TMCO6: variants seen among roughly 807,000 people sequenced by gnomAD.
TMCO6 encodes the protein transmembrane and coiled-coil domains 6.
In TMCO6, 47 loss-of-function variants were observed where a neutral mutation model predicts 61.8. That is an observed-to-expected ratio of 0.76 (90% CI 0.60 to 0.97). The LOEUF is 0.97. TMCO6 is among the 50% of genes least tolerant of loss of function. TMCO6 has a pLI of 0.00. For missense variants in TMCO6, 557 were observed against 601.6 expected, an observed-to-expected ratio of 0.93 and a Z score of 0.78; for synonymous variants, 261 against 254.2, an observed-to-expected ratio of 1.03 and a Z score of -0.25.
intron 5 of TMCO6, 35 bp from the exon 6 acceptor site, chr5:140,642,551 G>C (rs752975405): frequency 6.2e-7 from 1 of 1,612,950 alleles, no homozygotes; most frequent in Non-Finnish European, 8.5e-7. Flanking sequence ...TGATGACCCA[G>C]CTTCCAGTCA....
upstream of TMCO6, among the ~76,000 whole-genome samples, chr5:140,635,301 G>A (rs1756743135): frequency 6.6e-6 from 1 of 152,216 alleles, no homozygotes; most frequent in East Asian, 1.9e-4. Flanking sequence ...AGCCAGTCTT[G>A]GAATCCCAGC....
At chr5:140,632,478 T>C in the TMCO6 span, 6 of 1,614,040 alleles carry the variant, frequency 3.7e-6, no homozygotes, top group South Asian at 1.1e-5. The surrounding 1 kb of genome is among the most constrained non-coding windows in gnomAD (Gnocchi z 6.2). Flanking sequence ...GAGGCCTGGC[T>C]TGAGCCACTG....
At chr5:140,632,511 C>T in the TMCO6 span, 2 of 1,614,166 alleles carry the variant, frequency 1.2e-6, no homozygotes. The surrounding 1 kb of genome is among the most constrained non-coding windows in gnomAD (Gnocchi z 6.2). Context: ...GAGCCAAGAA[C>T]GCCCTGTCGC....
chr5:140,636,595 T>C (rs1232922030), upstream of TMCO6, among the ~76,000 whole-genome samples: 1 of 152,054 alleles, frequency 6.6e-6, no homozygotes, highest in Non-Finnish European at 1.5e-5. Flanking sequence ...GGGCTCAAGA[T>C]CCAGGCCCTA....
the TMCO6 span, among the ~76,000 whole-genome samples, chr5:140,622,724 C>CAAAAAA: frequency 9.5e-6 from 1 of 105,814 alleles, no homozygotes; most frequent in Non-Finnish European, 2.1e-5. Flanking sequence ...GCTTTAGCTA[C>CAAAAAA]AAAAAAAAAA....
At chr5:140,611,638 A>G in the TMCO6 span, among the ~76,000 whole-genome samples, 2 of 152,094 alleles carry the variant, frequency 1.3e-5, no homozygotes, top group African/African-American at 4.8e-5. Flanking sequence ...ATAAATCCCA[A>G]TTGGTCATGG....
the TMCO6 span, among the ~76,000 whole-genome samples, chr5:140,601,217 G>A: frequency 1.3e-5 from 2 of 152,130 alleles, no homozygotes; most frequent in African/African-American, 4.8e-5. Flanking sequence ...CTATGTTAAG[G>A]AGTCCTAGAA....
At chr5:140,615,016 C>T in the TMCO6 span, among the ~76,000 whole-genome samples, 1 of 152,178 alleles carries the variant, frequency 6.6e-6, no homozygotes, top group Non-Finnish European at 1.5e-5. Context: ...AAATTAATCT[C>T]CATTCGTAAA....
rs1016547801 is a variant in TMCO6 at position 140,645,267 on chromosome 5, G to C, written c.*169G>C. 2.7e-6 allele frequency: 2 copies of C among 744,206 alleles called. No homozygotes were observed. Among genetic ancestry groups the C allele is most frequent in the African/African-American group, 3.5e-5 (2 of 57,252 alleles). 46.1% of individuals were successfully genotyped at this position (744,206 alleles called of 1,614,324 possible). On this transcript the variant is annotated 3_prime_UTR_variant, in exon 12 of 12. Coordinates refer to ENST00000394671, the MANE Select transcript of TMCO6 (RefSeq NM_018502.5). ...TCCCCTTCCACTCAGCACTATCCAGGCAGGAGGACCAAAAGGGACTCAGTG... is the reference window on the plus strand; with the variant it reads ...TCCCCTTCCACTCAGCACTATCCAGCCAGGAGGACCAAAAGGGACTCAGTG...
chr5:140,597,662 T>G, the TMCO6 span, among the ~76,000 whole-genome samples: 1 of 152,352 alleles, frequency 6.6e-6, no homozygotes. Context: ...GCCACTGTGC[T>G]AGTCCAGATT....
At chr5:140,638,448 A>G (rs1756829872), upstream of TMCO6, among the ~76,000 whole-genome samples, 1 of 152,138 alleles carries the variant, frequency 6.6e-6, no homozygotes, top group African/African-American at 2.4e-5. Flanking sequence ...CAAAAAGGAG[A>G]AAAAGGAAAA....
chr5:140,647,145 G>A, downstream of TMCO6: 1 of 1,179,116 alleles, frequency 8.5e-7, no homozygotes, highest in Non-Finnish European at 1.2e-6. Flanking sequence ...CAAGGCTAAA[G>A]TCCGAGTTCT....
the TMCO6 span, among the ~76,000 whole-genome samples, chr5:140,602,937 C>T: frequency 0.058 from 8,860 of 152,030 alleles, 396 homozygotes; most frequent in Non-Finnish European, 0.09. Context: ...GGTGAAACCC[C>T]GTCTCTACTA....
chr5:140,647,628 T>G (rs765201873), downstream of TMCO6: 5 of 1,594,936 alleles, frequency 3.1e-6, no homozygotes, highest in Admixed American at 6.9e-5. Flanking sequence ...TCAGGCCAAG[T>G]GCTCCGGTCT....
At chr5:140,605,551 G>A in the TMCO6 span, among the ~76,000 whole-genome samples, 1 of 151,890 alleles carries the variant, frequency 6.6e-6, no homozygotes, top group East Asian at 1.9e-4. Flanking sequence ...ATGGTGGTGG[G>A]TGCCTGTAAT....
chr5:140,645,325 G>GC lies in TMCO6; in HGVS notation c.*234dup, dbSNP rs550675609. 302 of 726,376 alleles carry GC rather than the reference G, an allele frequency of 4.2e-4. No individual in the cohort carries two copies. Among genetic ancestry groups the GC allele is most frequent in the African/African-American group, 1.3e-3 (77 of 57,198 alleles). 45.0% of individuals were successfully genotyped at this position (726,376 alleles called of 1,614,324 possible). ...CTTACTCTGGGGCCCTAGAATCCCT[G>GC]CCCCCCCGCCACCCTTCATGTTTGC... is the stretch of plus-strand genomic sequence containing the variant. On this transcript the variant is annotated 3_prime_UTR_variant, in exon 12 of 12. Coordinates refer to ENST00000394671, the MANE Select transcript of TMCO6 (RefSeq NM_018502.5).
chr5:140,600,032 A>AT, the TMCO6 span, among the ~76,000 whole-genome samples: 2 of 152,140 alleles, frequency 1.3e-5, no homozygotes, highest in Non-Finnish European at 2.9e-5. Flanking sequence ...ATCTCCTGGC[A>AT]TTCCCCCAGT....
the TMCO6 span, chr5:140,632,049 G>T: frequency 1.2e-6 from 2 of 1,614,230 alleles, no homozygotes; most frequent in African/African-American, 2.7e-5. This position sits in a 1 kb window ranked among gnomAD's most constrained non-coding sequence, Gnocchi z 6.2. Flanking sequence ...AGGCTGCGGC[G>T]CCCTGTTCAG....
In TMCO6 at chr5:140,645,153, C is replaced by G. The variant is rs991558504; in HGVS notation, c.*55C>G. 54 of 1,547,580 alleles carry G rather than the reference C, an allele frequency of 3.5e-5. No individual in the cohort carries two copies. Among genetic ancestry groups the G allele is most frequent in the Non-Finnish European group, 4.4e-5 (49 of 1,121,962 alleles). On this transcript the variant is annotated 3_prime_UTR_variant, in exon 12 of 12. Coordinates refer to ENST00000394671, the MANE Select transcript of TMCO6 (RefSeq NM_018502.5). ...CTCTCTTAACATCAAGCTTGTTTGTCCAGTAGAGCCTTTGGAGATTTAGGA... is the reference window on the plus strand; with the variant it reads ...CTCTCTTAACATCAAGCTTGTTTGTGCAGTAGAGCCTTTGGAGATTTAGGA...
Sources: gnomAD v4.1 joint callset for allele counts (sites outside exome capture counted in the v4.1 genomes callset) on GRCh38, gnomAD v4.1.1 for gene constraint, Gnocchi (gnomAD v3.1) non-coding constraint, MANE v1.5 for transcripts, NCBI Gene and HGNC (gene_info 2026-07-23, HGNC 2026-07-21) for gene names.